Variants in ZCWPW2 observed in about 807,000 individuals in gnomAD.
ZCWPW2 encodes the protein zinc finger CW-type and PWWP domain containing 2.
A neutral mutation model predicts 46.6 loss-of-function variants in ZCWPW2; 45 were observed. The observed-to-expected ratio is 0.96, with a 90% CI of 0.76 to 1.24. The LOEUF (loss-of-function observed/expected upper bound fraction) is 1.24, where lower values mean the gene tolerates loss of function less well. Among genes scored for constraint, ZCWPW2 ranks in the 50% most tolerant of loss-of-function variants. The pLI is 0.00. For missense variants in ZCWPW2, 429 were observed against 403.9 expected, an observed-to-expected ratio of 1.06 and a Z score of -0.53; for synonymous variants, 152 against 137.1, an observed-to-expected ratio of 1.11 and a Z score of -0.76.
At chr3:28,496,111 G>A (rs530028642) in intron 6 of ZCWPW2, among the ~76,000 whole-genome samples, 14 of 152,060 alleles carry the variant, frequency 9.2e-5, no homozygotes, top group African/African-American at 2.9e-4. Context: ...AATGGTTCTC[G>A]AAATTATCGA....
At chr3:28,432,670 A>G (rs1037852801) in intron 3 of ZCWPW2, among the ~76,000 whole-genome samples, 23 of 152,198 alleles carry the variant, frequency 1.5e-4, no homozygotes, top group Admixed American at 1.2e-3. Flanking sequence ...GTGCTTTTAA[A>G]TACAAGATGA....
In ZCWPW2 at chr3:28,369,633, G is replaced by A. The variant is rs141730444; in HGVS notation, c.-134+20430G>A. On this transcript the variant is annotated intron_variant, in intron 1 of 9. Coordinates refer to ENST00000383768, the MANE Select transcript of ZCWPW2 (RefSeq NM_001040432.4). ...ACCCACTTGAGGAGGCAGTCTGTCC[G>A]TTCTCAGATCTCCAGCTGCGTGCTG... Among the ~76,000 whole-genome samples, 1,826 of 152,330 alleles carry A rather than the reference G, an allele frequency of 0.012. 65 individuals are homozygous for A. The East Asian group carries it at 0.15, about 12-fold the overall frequency.
chr3:28,379,142 A>C (rs951247215), intron 1 of ZCWPW2, among the ~76,000 whole-genome samples: 1 of 152,176 alleles, frequency 6.6e-6, no homozygotes. Flanking sequence ...CAAACCCTCA[A>C]GAAAAAGTTC....
intron 1 of ZCWPW2, among the ~76,000 whole-genome samples, chr3:28,389,934 G>C (rs1311377422): frequency 1.3e-5 from 2 of 152,168 alleles, no homozygotes; most frequent in Non-Finnish European, 2.9e-5. Flanking sequence ...CATTATGGAA[G>C]TTAATCTGCT....
At position 28,460,294 on chromosome 3, in the gene ZCWPW2, A is replaced by G. The variant is rs372673725; in HGVS notation, c.493-18520A>G. On this transcript the variant is annotated intron_variant, in intron 4 of 9. Transcript: ENST00000383768. ...TTAGCTTTAATAGTTTACACTTTCCAGTGGCATGAAGAGTGGGGTACATAA... is the reference window on the plus strand; with the variant it reads ...TTAGCTTTAATAGTTTACACTTTCCGGTGGCATGAAGAGTGGGGTACATAA... Among the ~76,000 whole-genome samples the G allele has an allele frequency of 7.4e-5, 11 of 148,160 alleles. No homozygotes were observed. In the East Asian group the frequency reaches 1.2e-3, roughly 16 times the overall value.
At chr3:28,479,638 A>C (rs1699359904) in intron 5 of ZCWPW2, among the ~76,000 whole-genome samples, 1 of 152,188 alleles carries the variant, frequency 6.6e-6, no homozygotes. Context: ...TAAGCTTAGT[A>C]CACATTAGTT....
At chr3:28,506,715 C>A (rs1700288778) in intron 6 of ZCWPW2, among the ~76,000 whole-genome samples, 1 of 152,000 alleles carries the variant, frequency 6.6e-6, no homozygotes, top group African/African-American at 2.4e-5. Context: ...TAATACATTT[C>A]TCTTGTTTTT....
At chr3:28,503,275 G>A (rs1248250545) in intron 6 of ZCWPW2, among the ~76,000 whole-genome samples, 2 of 152,152 alleles carry the variant, frequency 1.3e-5, no homozygotes, top group African/African-American at 4.8e-5. Context: ...ATGGTGAACA[G>A]CTGCCAGATG....
At chr3:28,410,656 C>T (rs1437994927) in intron 2 of ZCWPW2, among the ~76,000 whole-genome samples, 4 of 151,746 alleles carry the variant, frequency 2.6e-5, no homozygotes, top group Non-Finnish European at 4.4e-5. Flanking sequence ...TAAAGCAATA[C>T]TGAGATAGGA....
At chr3:28,371,724 C>T (rs1705339796) in intron 1 of ZCWPW2, among the ~76,000 whole-genome samples, 1 of 151,956 alleles carries the variant, frequency 6.6e-6, no homozygotes, top group South Asian at 2.1e-4. Context: ...GAAGGACTCT[C>T]AGTAAACTAA....
chr3:28,444,636 G>A (rs183146382), intron 4 of ZCWPW2, among the ~76,000 whole-genome samples: 12 of 152,220 alleles, frequency 7.9e-5, no homozygotes, highest in Non-Finnish European at 1.5e-4. Context: ...TCAGTCACTC[G>A]CATGATAAGA....
chr3:28,466,479 C>T (rs529638761), intron 4 of ZCWPW2, among the ~76,000 whole-genome samples: 123 of 152,148 alleles, frequency 8.1e-4, no homozygotes, highest in Non-Finnish European at 1.0e-3. Flanking sequence ...GTGAATTAAA[C>T]TTCAAAATGC....
intron 1 of ZCWPW2, among the ~76,000 whole-genome samples, chr3:28,355,293 G>A (rs1704689186): frequency 6.6e-6 from 1 of 152,302 alleles, no homozygotes; most frequent in African/African-American, 2.4e-5. Context: ...AACTTACAAG[G>A]AATGTGAAGG....
chr3:28,401,893 C>T (rs527928465), intron 2 of ZCWPW2, among the ~76,000 whole-genome samples: 23 of 151,768 alleles, frequency 1.5e-4, no homozygotes, highest in Non-Finnish European at 1.9e-4. Flanking sequence ...AGTGATACAA[C>T]CTATCAAAAC....
chr3:28,422,114 C>G lies in ZCWPW2; in HGVS notation c.332+8714C>G, dbSNP rs1374108636. 3.3e-5 allele frequency among the ~76,000 whole-genome samples: 5 copies of G among 151,970 alleles called. No individual in the cohort carries two copies. In the East Asian group the frequency reaches 7.7e-4, roughly 23 times the overall value. On this transcript the variant is annotated intron_variant, in intron 3 of 9. Transcript: ENST00000383768. The stretch of plus-strand genomic sequence containing the variant: ...AAGTATGGAGAGTTTCCGTATGTCC[C>G]TTTCTCCCTCTGACACCCACAGCTG...
At chr3:28,368,673 T>C (rs1035428041) in intron 1 of ZCWPW2, among the ~76,000 whole-genome samples, 2 of 152,138 alleles carry the variant, frequency 1.3e-5, no homozygotes, top group African/African-American at 4.8e-5. Flanking sequence ...CTTTGTGGCA[T>C]TCTCTATATT....
Position 28,425,306 on chromosome 3 carries a change from T to C in ZCWPW2, c.333-9804T>C, listed in dbSNP as rs541525020. On this transcript the variant is annotated intron_variant, in intron 3 of 9. Transcript: ENST00000383768. ...AACTAAGTTGAGCACACACCTAAAA[T>C]ACAGATTAAGAAACTCAAATATACT... 7.5e-4 allele frequency among the ~76,000 whole-genome samples: 114 copies of C among 152,244 alleles called. 2 individuals are homozygous for C. The highest frequency in any genetic ancestry group is 2.6e-3 in the African/African-American group (107 of 41,544).
intron 4 of ZCWPW2, among the ~76,000 whole-genome samples, chr3:28,465,186 T>A: frequency 6.6e-6 from 1 of 152,310 alleles, no homozygotes; most frequent in East Asian, 1.9e-4. Context: ...AAACCAAATA[T>A]TTATCTCTTT....
intron 4 of ZCWPW2, among the ~76,000 whole-genome samples, chr3:28,451,809 T>A (rs1384033913): frequency 6.6e-6 from 1 of 152,160 alleles, no homozygotes; most frequent in African/African-American, 2.4e-5. Flanking sequence ...GGATACAGAT[T>A]TATTAGCCGA....
Sources: gnomAD v4.1 joint callset for allele counts (sites outside exome capture counted in the v4.1 genomes callset) on GRCh38, gnomAD v4.1.1 for gene constraint, MANE v1.5 for transcripts, NCBI Gene and HGNC (gene_info 2026-07-23, HGNC 2026-07-21) for gene names.